The following PAM variants were observed in gnomAD, a reference collection of about 807,000 sequenced individuals.
PAM encodes the protein peptidylglycine alpha-amidating monooxygenase.
PAM carries 72 observed loss-of-function variants against 122.1 expected under a neutral mutation model. The ratio of observed to expected loss-of-function variants is 0.59; its 90% CI spans 0.49 to 0.72. The LOEUF (loss-of-function observed/expected upper bound fraction) is 0.72, where lower values mean the gene tolerates loss of function less well. Ranked by LOEUF, PAM falls within the 30% of genes least tolerant of loss-of-function variation. The pLI is 0.00. For missense variants in PAM, 1,106 were observed against 1,183.7 expected (o/e 0.93, Z 0.96); for synonymous variants, 389 against 404.4 (o/e 0.96, Z 0.46).
intron 4 of PAM, among the ~76,000 whole-genome samples, chr5:102,905,674 A>G (rs952991638): frequency 1.3e-5 from 2 of 151,576 alleles, no homozygotes; most frequent in African/African-American, 4.8e-5. Context: ...TGGCAGCAGT[A>G]AGTAGAGGAG....
At chr5:102,916,125 T>C (rs555899241) in intron 5 of PAM, among the ~76,000 whole-genome samples, 1 of 152,272 alleles carries the variant, frequency 6.6e-6, no homozygotes, top group South Asian at 2.1e-4. Flanking sequence ...ATTTAGCCCA[T>C]CTGAGATGGA....
chr5:102,979,484 T>G (rs1396662344), intron 15 of PAM, among the ~76,000 whole-genome samples: 1 of 152,154 alleles, frequency 6.6e-6, no homozygotes, highest in Non-Finnish European at 1.5e-5. Context: ...AATTTACAAG[T>G]ACAGAAAAAG....
intron 12 of PAM, among the ~76,000 whole-genome samples, chr5:102,952,534 A>G (rs1759288416): frequency 6.6e-6 from 1 of 151,788 alleles, no homozygotes; most frequent in South Asian, 2.1e-4. Context: ...GGGTGAGTCC[A>G]TATTCTGAAT....
chr5:102,799,275 C>T (rs973190299), intron 1 of PAM, among the ~76,000 whole-genome samples: 1 of 152,116 alleles, frequency 6.6e-6, no homozygotes, highest in Non-Finnish European at 1.5e-5. Flanking sequence ...CACAATGCAA[C>T]GTGTATATTT....
intron 23 of PAM, among the ~76,000 whole-genome samples, chr5:103,020,325 G>A (rs543159135): frequency 6.6e-6 from 1 of 152,152 alleles, no homozygotes; most frequent in South Asian, 2.1e-4. Context: ...CAGCTTCCAC[G>A]ATTTACTGAG....
At chr5:102,941,086 A>G (rs1561966680) in intron 7 of PAM, among the ~76,000 whole-genome samples, 3 of 152,218 alleles carry the variant, frequency 2.0e-5, no homozygotes, top group Non-Finnish European at 4.4e-5. Flanking sequence ...ACTTCACTGT[A>G]GACTCATATT....
At chr5:102,884,125 A>G (rs1792218281) in intron 3 of PAM, among the ~76,000 whole-genome samples, 1 of 152,044 alleles carries the variant, frequency 6.6e-6, no homozygotes, top group South Asian at 2.1e-4. Context: ...AAAGAGTCAC[A>G]TCAGCCTAAA....
At chr5:103,005,717 C>T (rs987362661) in intron 18 of PAM, among the ~76,000 whole-genome samples, 14 of 152,164 alleles carry the variant, frequency 9.2e-5, no homozygotes, top group Middle Eastern at 3.2e-3. Context: ...GAGGCACAAA[C>T]ATTCAGTCCA....
At chr5:102,937,497 G>A (rs1008188106) in intron 7 of PAM, among the ~76,000 whole-genome samples, 6 of 152,146 alleles carry the variant, frequency 3.9e-5, no homozygotes, top group African/African-American at 1.4e-4. Flanking sequence ...GAACAGGAAA[G>A]CATGACGTTT....
At chr5:102,979,684 T>C (rs1769077272) in intron 15 of PAM, among the ~76,000 whole-genome samples, 1 of 152,116 alleles carries the variant, frequency 6.6e-6, no homozygotes, top group Non-Finnish European at 1.5e-5. Flanking sequence ...AAATACTTAT[T>C]AATAATTTCA....
At chr5:102,831,262 A>T (rs552080998) in intron 1 of PAM, among the ~76,000 whole-genome samples, 4 of 152,288 alleles carry the variant, frequency 2.6e-5, no homozygotes, top group African/African-American at 9.6e-5. Flanking sequence ...TAGGCATGAA[A>T]AATTAAGACT....
chr5:102,900,872 A>G (rs988375645), intron 3 of PAM, among the ~76,000 whole-genome samples: 2 of 151,610 alleles, frequency 1.3e-5, no homozygotes, highest in South Asian at 4.1e-4. Flanking sequence ...ACATAAAAAA[A>G]TTTAAAGTAA....
chr5:102,815,257 G>A (rs1470905524), intron 1 of PAM, among the ~76,000 whole-genome samples: 1 of 152,072 alleles, frequency 6.6e-6, no homozygotes, highest in East Asian at 1.9e-4. Context: ...GTTATAGAGC[G>A]AAGAAAGTAA....
intron 9 of PAM, among the ~76,000 whole-genome samples, chr5:102,949,223 A>G (rs1757990269): frequency 6.6e-6 from 1 of 152,034 alleles, no homozygotes; most frequent in South Asian, 2.1e-4. Context: ...ATAAAAACCA[A>G]TTTTTAAGCT....
chr5:103,019,771 C>A lies in PAM; in HGVS notation c.2432-19C>A. ...TTTGGAGATTCTGACTTTTCTCTCT[C>A]CTTGTTGTGTTGTTACAGAATTGGA... On this transcript the variant is annotated intron_variant, in intron 22 of 25. Coordinates refer to ENST00000438793, the MANE Select transcript of PAM (RefSeq NM_001177306.2). The A allele has an allele frequency of 3.2e-6, 5 of 1,562,612 alleles. No homozygotes were observed. The highest frequency in any genetic ancestry group is 4.4e-6 in the Non-Finnish European group (5 of 1,133,396).
At chr5:102,926,703 C>G (rs756950135) in intron 7 of PAM, 35 bp downstream of exon 7, 1 of 1,029,566 alleles carries the variant, frequency 9.7e-7, no homozygotes, top group East Asian at 2.4e-5. Flanking sequence ...AGCAAAACTT[C>G]TAGTACTATA....
intron 1 of PAM, among the ~76,000 whole-genome samples, chr5:102,834,978 A>T (rs1776562874): frequency 6.6e-6 from 1 of 152,256 alleles, no homozygotes; most frequent in East Asian, 1.9e-4. Context: ...TGTAGAGACC[A>T]AGTACAAAGA....
At chr5:102,923,524 C>T (rs1748197890) in intron 5 of PAM, among the ~76,000 whole-genome samples, 2 of 152,272 alleles carry the variant, frequency 1.3e-5, no homozygotes, top group East Asian at 3.9e-4. Flanking sequence ...GTTTTCAAAA[C>T]ACAAATACAC....
rs1374585583 is a variant in PAM at position 102,866,244 on chromosome 5, A to G, written c.49A>G (p.Ser17Gly). ...GCTAGTTCTCCTTGTTTTTCCAAGC[A>G]GCTGTTTGGCTTTCCGAAGCCCACT... The part of the protein sequence containing the change: ...SLLVLLVFPS[S>G]CLAFRSPLSV... The change falls in exon 2 of 26, where the codon AGC becomes GGC. Residue 17 changes from serine (S) to glycine (G), a missense_variant. By Grantham distance (56) the Ser-to-Gly change is moderately conservative. This residue lies in a region of PAM where 670 missense variants were observed against 690.3 expected (regional missense o/e 0.97). Coordinates refer to ENST00000438793, the MANE Select transcript of PAM (RefSeq NM_001177306.2). 3.1e-6 allele frequency: 5 copies of G among 1,613,872 alleles called. No homozygotes were observed. Among genetic ancestry groups the G allele is most frequent in the South Asian group, 1.1e-5 (1 of 91,084 alleles).
Sources: gnomAD v4.1 joint callset for allele counts (sites outside exome capture counted in the v4.1 genomes callset) on GRCh38, gnomAD v4.1.1 for gene constraint, gnomAD v4.1.1 regional missense constraint, MANE v1.5 for transcripts, NCBI Gene and HGNC (gene_info 2026-07-23, HGNC 2026-07-21) for gene names.